CNST: variants seen among roughly 807,000 people sequenced by gnomAD.
CNST encodes the protein consortin, connexin sorting protein.
Under a neutral mutation model 72.4 loss-of-function variants are expected in CNST, and 39 were observed. The ratio of observed to expected loss-of-function variants is 0.54; its 90% CI spans 0.42 to 0.70. The LOEUF is 0.70. Ranked by LOEUF, CNST falls within the 30% of genes least tolerant of loss-of-function variation. The pLI, the probability that CNST is intolerant of heterozygous loss-of-function variation, is 0.00. For synonymous variants in CNST, 332 were observed against 320.1 expected (o/e 1.04, Z -0.40); for missense variants, 871 against 868.5 (o/e 1.00, Z -0.04).
chr1:246,570,013 T>C (rs1454814537), intron 1 of CNST: 1 of 573,180 alleles, frequency 1.7e-6, no homozygotes, highest in Non-Finnish European at 2.2e-6. Flanking sequence ...GTTTTATAAA[T>C]GTGCTTCTTT....
At chr1:246,611,566 A>G (rs1558556817) in intron 2 of CNST, among the ~76,000 whole-genome samples, 1 of 152,350 alleles carries the variant, frequency 6.6e-6, no homozygotes, top group Admixed American at 6.5e-5. Context: ...ACTCAAACCA[A>G]TTAATCTTTG....
At chr1:246,590,388 G>T (rs1215147845) in intron 1 of CNST, among the ~76,000 whole-genome samples, 1 of 152,128 alleles carries the variant, frequency 6.6e-6, no homozygotes, top group Non-Finnish European at 1.5e-5. Context: ...AGGTGGTGGT[G>T]CCAGGGTCGT....
chr1:246,594,938 AG>A (rs1661780296), intron 2 of CNST, among the ~76,000 whole-genome samples: 1 of 152,234 alleles, frequency 6.6e-6, no homozygotes, highest in Non-Finnish European at 1.5e-5. Context: ...TGAGTTTCTT[AG>A]ATTTCATAGT....
chr1:246,639,227 T>A (rs1032435890), intron 6 of CNST, among the ~76,000 whole-genome samples: 1 of 151,436 alleles, frequency 6.6e-6, no homozygotes, highest in Non-Finnish European at 1.5e-5. Context: ...TCTGGGAGAG[T>A]GAGAACGGGG....
intron 1 of CNST, among the ~76,000 whole-genome samples, chr1:246,589,138 A>C (rs1396170298): frequency 6.6e-6 from 1 of 151,888 alleles, no homozygotes; most frequent in African/African-American, 2.4e-5. Flanking sequence ...ATTATACTTT[A>C]AGTTTTAGGG....
intron 1 of CNST, among the ~76,000 whole-genome samples, chr1:246,581,556 C>T (rs1314939323): frequency 6.6e-6 from 1 of 152,258 alleles, no homozygotes; most frequent in African/African-American, 2.4e-5. Flanking sequence ...AGCCATCACA[C>T]CCGGCCCATC....
chr1:246,641,722 T>A (rs1236094899), intron 6 of CNST, 27 bp from the exon 7 acceptor site: 1 of 1,252,610 alleles, frequency 8.0e-7, no homozygotes. Context: ...TTTTTTAAAA[T>A]TCTTTTTTCT....
chr1:246,572,296 T>C (rs141318633), intron 1 of CNST, among the ~76,000 whole-genome samples: 72 of 152,352 alleles, frequency 4.7e-4, no homozygotes, highest in African/African-American at 1.7e-3. Context: ...TTGAAATAAG[T>C]TATTAAAAAA....
chr1:246,656,541 A>G (rs968454411), intron 9 of CNST, among the ~76,000 whole-genome samples: 14 of 152,222 alleles, frequency 9.2e-5, no homozygotes, highest in East Asian at 1.9e-4. Context: ...GAATTTGGCA[A>G]TTGAAGTGGG....
rs777883691 is a variant in CNST, at chr1:246,649,167, T to G, written c.1836+1130T>G. Among the ~76,000 whole-genome samples the G allele has an allele frequency of 5.7e-3, 870 of 151,964 alleles. 5 individuals carry two copies. Among genetic ancestry groups the G allele is most frequent in the South Asian group, 0.012 (57 of 4,822 alleles). ...CTCTACAGACTGTTGTTTTGTTTTT[T>G]TTTTTTTTTCGTAGTTTTTGCTTAA... On this transcript the variant is annotated intron_variant, in intron 9 of 10. Transcript: ENST00000366513.
rs1659707161 is a variant in CNST at position 246,566,706 on chromosome 1, C to A, written c.-52+43C>A. ...GGGATGCAGGGGACCCGCCGGCTCG[C>A]GGCCGGGATGGAAAGCCTTTCGGAA... On this transcript the variant is annotated intron_variant, in intron 1 of 10. Transcript: ENST00000366513. The A allele has an allele frequency of 1.0e-5, 4 of 400,072 alleles. No individual in the cohort carries two copies. The East Asian group carries it at 1.4e-4, about 14-fold the overall frequency. 24.8% of individuals were successfully genotyped at this position (400,072 alleles called of 1,614,324 possible).
chr1:246,584,849 T>C (rs1425687749), intron 1 of CNST, among the ~76,000 whole-genome samples: 1 of 152,200 alleles, frequency 6.6e-6, no homozygotes, highest in Non-Finnish European at 1.5e-5. Context: ...TCTGCTGTTT[T>C]TTTCCCCCAG....
chr1:246,592,252 C>G (rs574509553), intron 2 of CNST, among the ~76,000 whole-genome samples: 29 of 152,076 alleles, frequency 1.9e-4, no homozygotes, highest in Non-Finnish European at 3.4e-4. Flanking sequence ...TTTGGGAGGC[C>G]GAGGTGGGCG....
At position 246,667,906 on chromosome 1, in the gene CNST, A is replaced by G. The variant is rs1464740330; in HGVS notation, c.*2001A>G. ...TCTGGTGTAGTATTTGCCCATAGGC[A>G]ACCAGAGCCACTTCCTCTGAACCCA... is the stretch of plus-strand genomic sequence containing the variant. On this transcript the variant is annotated 3_prime_UTR_variant, in exon 11 of 11. Transcript: ENST00000366513. The G allele has an allele frequency of 6.6e-6, 1 of 152,196 alleles. No homozygotes were observed. Among genetic ancestry groups the G allele is most frequent in the Non-Finnish European group, 1.5e-5 (1 of 68,050 alleles). 9.4% of individuals were successfully genotyped at this position (152,196 alleles called of 1,614,324 possible).
At chr1:246,651,795 T>G (rs1055475486) in intron 9 of CNST, among the ~76,000 whole-genome samples, 2 of 152,212 alleles carry the variant, frequency 1.3e-5, no homozygotes, top group Non-Finnish European at 2.9e-5. Flanking sequence ...TGTATACTGT[T>G]TTTAAAAAGC....
chr1:246,606,220 A>C (rs1166314916), intron 2 of CNST: 1 of 152,160 alleles, frequency 6.6e-6, no homozygotes, highest in East Asian at 1.9e-4. Context: ...TTTTATTATC[A>C]GTGGGATACC....
Position 246,647,424 on chromosome 1 carries a change from G to T in CNST, c.1223G>T (p.Cys408Phe). The T allele has an allele frequency of 6.2e-7, 1 of 1,614,192 alleles. No homozygotes were observed. Among genetic ancestry groups the T allele is most frequent in the Non-Finnish European group, 8.5e-7 (1 of 1,180,038 alleles). The change falls in exon 9 of 11, where the codon TGC becomes TTC. Residue 408 changes from cysteine (C) to phenylalanine (F), a missense_variant. Coordinates refer to ENST00000366513, the MANE Select transcript of CNST (RefSeq NM_152609.3). The stretch of plus-strand genomic sequence containing the variant: ...TTGCAGCTGGCTCAAACAGAGGCCT[G>T]CCAGGATGTGGCCAGAATAGAGGGC... Reference protein sequence around the residue: ...SRLQLAQTEACQDVARIEGIA... With the variant: ...SRLQLAQTEAFQDVARIEGIA...
At chr1:246,566,711 G>A (rs1420642293) in intron 1 of CNST, 48 bp downstream of exon 1, 9 of 400,266 alleles carry the variant, frequency 2.2e-5, no homozygotes, top group East Asian at 7.1e-5. Flanking sequence ...GCTCGCGGCC[G>A]GGATGGAAAG....
rs1667359261 is a variant in CNST, at chr1:246,665,678, TCA to T, written c.1973-20_1973-19del. 4 of 1,602,250 alleles carry T rather than the reference TCA, an allele frequency of 2.5e-6. No homozygotes were observed. The highest frequency in any genetic ancestry group is 2.2e-4 in the Middle Eastern group (1 of 4,568). ...TTTCCATTTCGGTGACAATGTAACC[TCA>T]CTCTTTCTCATGTTTGCAGATGAAG... is the stretch of plus-strand genomic sequence containing the variant. On this transcript the variant is annotated intron_variant, in intron 10 of 10. Transcript: ENST00000366513.
Sources: gnomAD v4.1 joint callset for allele counts (sites outside exome capture counted in the v4.1 genomes callset) on GRCh38, gnomAD v4.1.1 for gene constraint, MANE v1.5 for transcripts, NCBI Gene and HGNC (gene_info 2026-07-23, HGNC 2026-07-21) for gene names.